The following KLRG1 variants were observed in gnomAD, a reference collection of about 807,000 sequenced individuals.
The protein encoded by KLRG1 is killer cell lectin like receptor G1.
Under a neutral mutation model 21.8 loss-of-function variants are expected in KLRG1, and 16 were observed. The observed-to-expected ratio is 0.73, with a 90% CI of 0.50 to 1.11. KLRG1 has a LOEUF of 1.11. Ranked by LOEUF, KLRG1 falls within the 50% of genes most tolerant of loss-of-function variation. The pLI is 0.00. For synonymous variants in KLRG1, 69 were observed against 75.9 expected, an observed-to-expected ratio of 0.91 and a Z score of 0.47; for missense variants, 173 against 218.3, an observed-to-expected ratio of 0.79 and a Z score of 1.31.
chr12:9,032,011 A>G, the KLRG1 span, among the ~76,000 whole-genome samples: 1 of 152,210 alleles, frequency 6.6e-6, no homozygotes, highest in Non-Finnish European at 1.5e-5. Context: ...TTTAAATACT[A>G]ATCTCTAGTG....
chr12:9,058,873 C>G, the KLRG1 span: 1 of 152,722 alleles, frequency 6.5e-6, no homozygotes, highest in South Asian at 2.1e-4. Flanking sequence ...CTAGATCTTT[C>G]AAGCTAAGGA....
chr12:9,096,055 G>A, the KLRG1 span, among the ~76,000 whole-genome samples: 1 of 152,216 alleles, frequency 6.6e-6, no homozygotes, highest in East Asian at 1.9e-4. Context: ...CACCGCGCCC[G>A]GCCTTTGTGA....
chr12:8,952,337 G>A (rs770124903), intron 1 of KLRG1, among the ~76,000 whole-genome samples: 3 of 152,150 alleles, frequency 2.0e-5, no homozygotes, highest in Non-Finnish European at 2.9e-5. Context: ...GACCACAGGC[G>A]CAAGCCACCA....
chr12:9,115,985 A>G, the KLRG1 span: 1 of 737,008 alleles, frequency 1.4e-6, no homozygotes, highest in South Asian at 1.5e-5. Flanking sequence ...CCACCCACAC[A>G]AGATCTCTAA....
chr12:9,117,994 T>C, the KLRG1 span, among the ~76,000 whole-genome samples: 1 of 152,260 alleles, frequency 6.6e-6, no homozygotes, highest in South Asian at 2.1e-4. Flanking sequence ...AGACATAATA[T>C]AGGTAATATT....
At chr12:9,193,180 CTT>C in the KLRG1 span, among the ~76,000 whole-genome samples, 1 of 152,144 alleles carries the variant, frequency 6.6e-6, no homozygotes, top group Admixed American at 6.5e-5. Flanking sequence ...ATTTATGCCT[CTT>C]ATCATTATTG....
chr12:9,181,057 A>G, the KLRG1 span: 1 of 1,614,152 alleles, frequency 6.2e-7, no homozygotes, highest in Admixed American at 1.7e-5. Context: ...GCACAGAGGG[A>G]CTGCGGAGCA....
upstream of KLRG1, among the ~76,000 whole-genome samples, chr12:8,985,255 AT>A (rs35429147): frequency 0.38 from 56,641 of 149,314 alleles, 11,243 homozygotes; most frequent in Non-Finnish European, 0.44. Flanking sequence ...GAATTATCTG[AT>A]TTTTTTTTTG....
At chr12:9,152,198 A>G in the KLRG1 span, 3 of 1,500,118 alleles carry the variant, frequency 2.0e-6, no homozygotes, top group African/African-American at 1.4e-5. Context: ...TATGAAGTCT[A>G]TTAGGATTAA....
At chr12:8,975,850 C>T (rs940236021) in intron 1 of KLRG1, among the ~76,000 whole-genome samples, 1 of 152,192 alleles carries the variant, frequency 6.6e-6, no homozygotes, top group Non-Finnish European at 1.5e-5. Context: ...GTGTGAGCCA[C>T]TGGGCCCAGC....
chr12:9,113,577 A>C, the KLRG1 span: 2 of 1,598,334 alleles, frequency 1.3e-6, no homozygotes, highest in East Asian at 4.5e-5. Context: ...GAGGAAAGTG[A>C]AGGAAGAGAG....
chr12:9,161,475 G>C, the KLRG1 span, among the ~76,000 whole-genome samples: 13 of 152,276 alleles, frequency 8.5e-5, no homozygotes, highest in South Asian at 2.7e-3. Flanking sequence ...GGCACTGTGT[G>C]ACTTCCAGAG....
At chr12:9,038,903 C>CAAA in the KLRG1 span, among the ~76,000 whole-genome samples, 15 of 136,930 alleles carry the variant, frequency 1.1e-4, no homozygotes, top group Middle Eastern at 3.8e-3. Context: ...GACTCTGTCT[C>CAAA]AAAAAAAAAA....
At chr12:9,132,436 AAGAG>A in the KLRG1 span, among the ~76,000 whole-genome samples, 2 of 152,160 alleles carry the variant, frequency 1.3e-5, no homozygotes, top group African/African-American at 4.8e-5. Context: ...GATTAGGCTA[AAGAG>A]AGAGAGAGTC....
intron 1 of KLRG1, among the ~76,000 whole-genome samples, chr12:8,981,385 C>T (rs1390739044): frequency 1.3e-5 from 2 of 151,882 alleles, no homozygotes; most frequent in African/African-American, 4.8e-5. Flanking sequence ...CTTTTCCATT[C>T]ATTTAAAACT....
At position 9,009,948 on chromosome 12, in the gene KLRG1, G is replaced by T. The variant is rs746605831; in HGVS notation, c.*411G>T. 67 of 1,523,828 alleles carry T rather than the reference G, an allele frequency of 4.4e-5. 1 individual carries two copies. The South Asian group carries it at 7.3e-4, about 17-fold the overall frequency. 94.4% of individuals were successfully genotyped at this position (1,523,828 alleles called of 1,614,324 possible). A position where few individuals can be genotyped will look rare whatever the true frequency, so the allele number is the denominator to read the frequency against. On this transcript the variant is annotated 3_prime_UTR_variant, in exon 5 of 5. Transcript: ENST00000356986. ...TGTACTAGAGAAGTACATTATTGCT[G>T]TACTCCTCTGTACATTACTGATCCC...
the KLRG1 span, among the ~76,000 whole-genome samples, chr12:9,169,177 C>CA: frequency 0.018 from 1,703 of 94,000 alleles, 26 homozygotes; most frequent in African/African-American, 0.05. Context: ...TTTTGGTTTG[C>CA]AAATAAAAAA....
intron 1 of KLRG1, among the ~76,000 whole-genome samples, chr12:8,958,675 G>T (rs1946334606): frequency 6.6e-6 from 1 of 152,130 alleles, no homozygotes; most frequent in Non-Finnish European, 1.5e-5. Context: ...GGGCAACATG[G>T]TGAGACTCTG....
chr12:9,072,956 G>T, the KLRG1 span: 2 of 1,060,722 alleles, frequency 1.9e-6, no homozygotes, highest in Non-Finnish European at 2.7e-6. Context: ...CCATGTGAGG[G>T]ACTTTGATTT....
Sources: allele counts gnomAD v4.1 joint callset (sites outside exome capture counted in the v4.1 genomes callset), GRCh38; gene constraint gnomAD v4.1.1; transcripts MANE v1.5; gene names NCBI Gene and HGNC (gene_info 2026-07-23, HGNC 2026-07-21).